FAM53B: variants seen among roughly 807,000 people sequenced by gnomAD.
The protein encoded by FAM53B is family with sequence similarity 53 member B, also known as protein FAM53B.
FAM53B carries 12 observed loss-of-function variants against 32.7 expected under a neutral mutation model. The observed-to-expected ratio is 0.37, with a 90% CI of 0.24 to 0.59. The LOEUF (loss-of-function observed/expected upper bound fraction) is 0.59. FAM53B is among the 20% of genes least tolerant of loss of function. The probability of loss-of-function intolerance (pLI) is 0.72; values close to 1 mark genes in which losing one functional copy is unlikely to be tolerated. For missense variants in FAM53B, 477 were observed against 577.7 expected (o/e 0.83, Z 1.79); for synonymous variants, 234 against 228.7 (o/e 1.02, Z -0.21).
chr10:124,667,045 C>A, intron 4 of FAM53B: 1 of 260,760 alleles, frequency 3.8e-6, no homozygotes, highest in African/African-American at 2.3e-5. Flanking sequence ...CCCCCCCACA[C>A]TCTTATACCC....
At chr10:124,644,742 G>A (rs1949500617) in intron 4 of FAM53B, among the ~76,000 whole-genome samples, 1 of 152,162 alleles carries the variant, frequency 6.6e-6, no homozygotes, top group African/African-American at 2.4e-5. Flanking sequence ...TGGGTCCTGG[G>A]GGTGGCAGCA....
At chr10:124,702,009 C>T (rs1205382456) in intron 2 of FAM53B, among the ~76,000 whole-genome samples, 1 of 152,154 alleles carries the variant, frequency 6.6e-6, no homozygotes, top group Non-Finnish European at 1.5e-5. Flanking sequence ...CAGAATTGGC[C>T]ACGAGCTCCT....
At chr10:124,687,057 T>C (rs1436739407) in intron 3 of FAM53B, among the ~76,000 whole-genome samples, 1 of 152,240 alleles carries the variant, frequency 6.6e-6, no homozygotes, top group Non-Finnish European at 1.5e-5. Context: ...CTTTATCGCT[T>C]TGAGAAGTAC....
At chr10:124,696,361 GA>G in intron 2 of FAM53B, 149 bp from the exon 3 acceptor site, 2 of 726,542 alleles carry the variant, frequency 2.8e-6, no homozygotes, top group Admixed American at 4.9e-5. Context: ...TATTCAAAGA[GA>G]AAACATCTGC....
intron 2 of FAM53B, among the ~76,000 whole-genome samples, chr10:124,703,105 T>C (rs1949926680): frequency 1.3e-5 from 2 of 152,104 alleles, no homozygotes; most frequent in Admixed American, 6.5e-5. Context: ...GCGGTAGTGC[T>C]GTGATATCGG....
chr10:124,705,492 C>A (rs1949949504), intron 2 of FAM53B: 1 of 152,328 alleles, frequency 6.6e-6, no homozygotes, highest in Non-Finnish European at 1.5e-5. Context: ...GGCCCTGCTC[C>A]TCTACAAGCC....
chr10:124,672,360 C>A (rs920078509), intron 4 of FAM53B, among the ~76,000 whole-genome samples: 1 of 152,254 alleles, frequency 6.6e-6, no homozygotes, highest in Non-Finnish European at 1.5e-5. Flanking sequence ...GGGCTTCCCA[C>A]GAGGCGTTCT....
intron 4 of FAM53B, among the ~76,000 whole-genome samples, chr10:124,654,283 G>C (rs1949572985): frequency 6.6e-6 from 1 of 152,248 alleles, no homozygotes; most frequent in Non-Finnish European, 1.5e-5. Flanking sequence ...TCAAACAAAG[G>C]ACCTGGAGCC....
intron 1 of FAM53B, among the ~76,000 whole-genome samples, chr10:124,722,818 G>A (rs1950077762): frequency 6.6e-6 from 1 of 152,190 alleles, no homozygotes; most frequent in Non-Finnish European, 1.5e-5. Flanking sequence ...ACGTGTAGCT[G>A]GGGACAGGGA....
At chr10:124,700,745 C>T (rs893797190) in intron 2 of FAM53B, among the ~76,000 whole-genome samples, 1 of 152,230 alleles carries the variant, frequency 6.6e-6, no homozygotes, top group Admixed American at 6.5e-5. Context: ...GCCACAACCA[C>T]GGTTCTTGGT....
intron 4 of FAM53B, among the ~76,000 whole-genome samples, chr10:124,633,201 A>G (rs1949402659): frequency 6.6e-6 from 1 of 151,898 alleles, no homozygotes; most frequent in Non-Finnish European, 1.5e-5. Flanking sequence ...AACACAAAAG[A>G]TAAAATACCC....
chr10:124,711,425 G>C (rs1950002655), intron 1 of FAM53B, among the ~76,000 whole-genome samples: 1 of 152,058 alleles, frequency 6.6e-6, no homozygotes. Flanking sequence ...TTTTCTGCTT[G>C]TGATGCTGCA....
chr10:124,635,922 T>C (rs1949427883), intron 4 of FAM53B, among the ~76,000 whole-genome samples: 1 of 152,244 alleles, frequency 6.6e-6, no homozygotes, highest in Non-Finnish European at 1.5e-5. Flanking sequence ...ATCTCCTCTG[T>C]TATAATAAGA....
At chr10:124,626,110 G>A (rs1388155147) in intron 4 of FAM53B, among the ~76,000 whole-genome samples, 1 of 152,276 alleles carries the variant, frequency 6.6e-6, no homozygotes, top group African/African-American at 2.4e-5. Context: ...ACGCCCGAAC[G>A]CGTGCCAGCG....
intron 1 of FAM53B, among the ~76,000 whole-genome samples, chr10:124,714,667 G>A (rs1244421802): frequency 6.6e-6 from 1 of 150,718 alleles, no homozygotes; most frequent in African/African-American, 2.4e-5. Context: ...GCTGAGGCAG[G>A]AGAATGGCGG....
intron 4 of FAM53B, among the ~76,000 whole-genome samples, chr10:124,670,936 G>A (rs759515044): frequency 4.8e-4 from 73 of 152,320 alleles, no homozygotes; most frequent in Non-Finnish European, 5.3e-4. Flanking sequence ...GGGCCTAGCT[G>A]AATGCCAGGT....
At chr10:124,648,714 T>C (rs1177290185) in intron 4 of FAM53B, among the ~76,000 whole-genome samples, 3 of 152,250 alleles carry the variant, frequency 2.0e-5, no homozygotes, top group Non-Finnish European at 2.9e-5. Flanking sequence ...TCAGAAAGGT[T>C]AAGTAACTTG....
At chr10:124,655,506 T>A (rs574872697) in intron 4 of FAM53B, among the ~76,000 whole-genome samples, 29 of 151,924 alleles carry the variant, frequency 1.9e-4, no homozygotes, top group Admixed American at 1.4e-3. Flanking sequence ...TGCCGAGGAA[T>A]GAGGAAGAGC....
chr10:124,649,934 A>G (rs1032603510), intron 4 of FAM53B, among the ~76,000 whole-genome samples: 1 of 152,078 alleles, frequency 6.6e-6, no homozygotes, highest in Non-Finnish European at 1.5e-5. Flanking sequence ...CATTTTTTAG[A>G]TAAGAACTCT....
Sources: allele counts gnomAD v4.1 joint callset (sites outside exome capture counted in the v4.1 genomes callset), GRCh38; gene constraint gnomAD v4.1.1; transcripts MANE v1.5; gene names NCBI Gene and HGNC (gene_info 2026-07-23, HGNC 2026-07-21).